The following OR51B5 variants were observed in gnomAD, a reference collection of about 807,000 sequenced individuals.
The protein encoded by OR51B5 is olfactory receptor family 51 subfamily B member 5.
For synonymous variants in OR51B5, 186 were observed against 144.8 expected (o/e 1.28, Z -2.04); for missense variants, 456 against 374.6 (o/e 1.22, Z -1.79).
At chr11:5,342,942 G>A (rs1848922296) in exon 1 of OR51B5, 2 of 1,613,820 alleles carry the variant, frequency 1.2e-6, no homozygotes, top group African/African-American at 2.7e-5. Context: ...GCTGGGTACA[G>A]TCGGTTGAAG....
At chr11:5,375,272 C>A (rs1310724896) in intron 1 of OR51B5, among the ~76,000 whole-genome samples, 1 of 151,112 alleles carries the variant, frequency 6.6e-6, no homozygotes, top group Non-Finnish European at 1.5e-5. Flanking sequence ...ACTTTACAGA[C>A]AAGCAAATGC....
chr11:5,376,918 C>A (rs1391998510), intron 1 of OR51B5, among the ~76,000 whole-genome samples: 2 of 149,878 alleles, frequency 1.3e-5, no homozygotes, highest in Non-Finnish European at 1.5e-5. Flanking sequence ...TGAAACTATT[C>A]CAATCAACAG....
intron 1 of OR51B5, among the ~76,000 whole-genome samples, chr11:5,408,514 CAAGAG>C (rs1219518568): frequency 6.6e-6 from 1 of 152,040 alleles, no homozygotes; most frequent in Admixed American, 6.6e-5. Context: ...TTTATTAAAA[CAAGAG>C]AAGTCATTCA....
chr11:5,421,266 G>T (rs1193738879), intron 1 of OR51B5, among the ~76,000 whole-genome samples: 1 of 152,162 alleles, frequency 6.6e-6, no homozygotes, highest in East Asian at 1.9e-4. Flanking sequence ...CTAGAGATCT[G>T]CAAGGGGCTT....
At chr11:5,400,276 T>G (rs1397139820) in intron 1 of OR51B5, among the ~76,000 whole-genome samples, 1 of 152,194 alleles carries the variant, frequency 6.6e-6, no homozygotes, top group African/African-American at 2.4e-5. Flanking sequence ...TTTAGTCTAT[T>G]TAGTCAGGCA....
At chr11:5,463,351 T>C (rs920563190) in intron 1 of OR51B5, among the ~76,000 whole-genome samples, 1 of 152,216 alleles carries the variant, frequency 6.6e-6, no homozygotes, top group Non-Finnish European at 1.5e-5. Context: ...ATCCAAGGCA[T>C]TGGTGTGTGA....
intron 1 of OR51B5, among the ~76,000 whole-genome samples, chr11:5,359,725 G>C (rs75504472): frequency 6.8e-6 from 1 of 147,402 alleles, no homozygotes; most frequent in Non-Finnish European, 1.5e-5. Flanking sequence ...GAGGCATCAC[G>C]CTACCTGACT....
At chr11:5,389,510 T>G (rs376532329) in intron 1 of OR51B5, 34 of 1,614,050 alleles carry the variant, frequency 2.1e-5, no homozygotes, top group Non-Finnish European at 2.3e-5. Flanking sequence ...CATCAAACAC[T>G]GGATTTTCAT....
intron 1 of OR51B5, among the ~76,000 whole-genome samples, chr11:5,460,952 G>C (rs201147613): frequency 6.6e-6 from 1 of 152,204 alleles, no homozygotes. Context: ...TGTTGCACTG[G>C]AGGGGCCAAG....
chr11:5,354,813 A>C (rs76021557), intron 1 of OR51B5: 5,767 of 200,528 alleles, frequency 0.029, 124 homozygotes, highest in Non-Finnish European at 0.043. Flanking sequence ...AGTTTGAAGA[A>C]TATGTCCAGA....
chr11:5,347,479 C>T (rs757337547), upstream of OR51B5, among the ~76,000 whole-genome samples: 6 of 142,172 alleles, frequency 4.2e-5, no homozygotes, highest in Non-Finnish European at 8.8e-5. Context: ...GGGGATGCAG[C>T]AGGCATACTC....
intron 1 of OR51B5, among the ~76,000 whole-genome samples, chr11:5,501,547 A>G (rs1397877870): frequency 6.8e-6 from 1 of 147,690 alleles, no homozygotes; most frequent in Non-Finnish European, 1.5e-5. Flanking sequence ...TTGTCTAAGA[A>G]GCTTGACCAC....
chr11:5,501,261 A>G (rs1846289754), intron 1 of OR51B5, among the ~76,000 whole-genome samples: 1 of 147,838 alleles, frequency 6.8e-6, no homozygotes, highest in Non-Finnish European at 1.5e-5. Flanking sequence ...CCTGGGCTAC[A>G]ATAAGAACTC....
At chr11:5,493,530 T>C (rs1364697641) in intron 1 of OR51B5, among the ~76,000 whole-genome samples, 1 of 152,162 alleles carries the variant, frequency 6.6e-6, no homozygotes, top group African/African-American at 2.4e-5. Flanking sequence ...AGTTTGAGTC[T>C]AGGTCGGTTA....
chr11:5,437,852 G>A (rs1850613487), intron 1 of OR51B5, among the ~76,000 whole-genome samples: 1 of 152,070 alleles, frequency 6.6e-6, no homozygotes, highest in Admixed American at 6.5e-5. Flanking sequence ...TTAGAGTGAG[G>A]GTGTATTGAG....
chr11:5,492,577 A>G (rs1851596556), intron 1 of OR51B5, among the ~76,000 whole-genome samples: 1 of 152,162 alleles, frequency 6.6e-6, no homozygotes, highest in Non-Finnish European at 1.5e-5. Context: ...CTTTCTGTTC[A>G]CCTGTTCCAA....
At chr11:5,392,633 C>G (rs558604769) in intron 1 of OR51B5, 3 of 152,234 alleles carry the variant, frequency 2.0e-5, no homozygotes, top group African/African-American at 7.2e-5. Flanking sequence ...CAATATCTGG[C>G]TGGGCGCGGT....
intron 1 of OR51B5, chr11:5,392,147 T>C (rs1314179243): frequency 6.6e-6 from 1 of 152,164 alleles, no homozygotes; most frequent in Non-Finnish European, 1.5e-5. Flanking sequence ...GTTTGTGCGG[T>C]TTCTTGTGTA....
chr11:5,351,349 G>A (rs766356756), intron 1 of OR51B5, among the ~76,000 whole-genome samples: 2 of 152,036 alleles, frequency 1.3e-5, no homozygotes, highest in Admixed American at 6.5e-5. Flanking sequence ...CCATACCTAG[G>A]ATCTCCCAGG....
Sources: gnomAD v4.1 joint callset for allele counts (sites outside exome capture counted in the v4.1 genomes callset) on GRCh38, gnomAD v4.1.1 for gene constraint, MANE v1.5 for transcripts, NCBI Gene and HGNC (gene_info 2026-07-23, HGNC 2026-07-21) for gene names.